Variants in BICD1 observed in about 807,000 individuals in gnomAD.
BICD1 encodes the protein protein bicaudal D homolog 1.
BICD1 carries 35 observed loss-of-function variants against 92.5 expected under a neutral mutation model. That is an observed-to-expected ratio of 0.38 (90% CI 0.29 to 0.50). BICD1 has a LOEUF of 0.50. Among genes scored for constraint, BICD1 ranks in the 20% least tolerant of loss-of-function variants. BICD1 has a pLI of 0.93. For synonymous variants in BICD1, 429 were observed against 465.1 expected (o/e 0.92, Z 1.00); for missense variants, 950 against 1,189.8 (o/e 0.80, Z 2.97).
At chr12:32,137,379 G>A (rs1271496944) in intron 1 of BICD1, among the ~76,000 whole-genome samples, 1 of 152,052 alleles carries the variant, frequency 6.6e-6, no homozygotes, top group Non-Finnish European at 1.5e-5. Context: ...ATGAGCCACC[G>A]CACCTGGCCT....
intron 2 of BICD1, among the ~76,000 whole-genome samples, chr12:32,235,561 T>C (rs964081924): frequency 6.7e-6 from 1 of 149,802 alleles, no homozygotes; most frequent in Non-Finnish European, 1.5e-5. Context: ...ATTGTGGGTT[T>C]TTTTTTTTAC....
chr12:32,285,060 C>A (rs986460526), intron 2 of BICD1, among the ~76,000 whole-genome samples: 1 of 152,168 alleles, frequency 6.6e-6, no homozygotes, highest in Admixed American at 6.5e-5. Context: ...TTTAGCATTG[C>A]CTTCAACACA....
chr12:32,277,438 ATTT>A (rs2136160649), intron 2 of BICD1, among the ~76,000 whole-genome samples: 1 of 152,274 alleles, frequency 6.6e-6, no homozygotes, highest in East Asian at 1.9e-4. Flanking sequence ...TGAAGCTATT[ATTT>A]TTTATCCTGT....
chr12:32,284,240 C>G (rs1261279332), intron 2 of BICD1, among the ~76,000 whole-genome samples: 1 of 152,230 alleles, frequency 6.6e-6, no homozygotes, highest in East Asian at 1.9e-4. Context: ...ACACCCCTCT[C>G]TCCAGCTTTC....
intron 6 of BICD1, among the ~76,000 whole-genome samples, chr12:32,335,807 AC>A (rs1200756610): frequency 6.7e-6 from 1 of 148,210 alleles, no homozygotes; most frequent in Non-Finnish European, 1.5e-5. Context: ...CTGGTCTCAA[AC>A]TCCTGGGCTC....
At chr12:32,370,244 G>A (rs1939682223) in intron 9 of BICD1, among the ~76,000 whole-genome samples, 1 of 151,992 alleles carries the variant, frequency 6.6e-6, no homozygotes, top group African/African-American at 2.4e-5. Flanking sequence ...ATGTGCGCCT[G>A]TAATCTCAGG....
At chr12:32,241,290 T>G (rs1946228641) in intron 2 of BICD1, among the ~76,000 whole-genome samples, 1 of 152,230 alleles carries the variant, frequency 6.6e-6, no homozygotes, top group African/African-American at 2.4e-5. Flanking sequence ...CTGCTGGGAA[T>G]AGCTGCATGT....
At chr12:32,177,314 C>CA (rs35641000) in intron 1 of BICD1, among the ~76,000 whole-genome samples, 19,426 of 138,026 alleles carry the variant, frequency 0.14, 1,640 homozygotes, top group Non-Finnish European at 0.21. Context: ...GACTCAGTCT[C>CA]AAAAAAAAAA....
chr12:32,314,873 T>C (rs1339106608), intron 4 of BICD1, among the ~76,000 whole-genome samples: 1 of 152,240 alleles, frequency 6.6e-6, no homozygotes, highest in East Asian at 1.9e-4. Context: ...TGGACTCTCC[T>C]GGCCTCAAGC....
At position 32,216,384 on chromosome 12, in the gene BICD1, A is replaced by C. The variant is rs781194681; in HGVS notation, c.351A>C (p.Lys117Asn). 6.2e-7 allele frequency: 1 copy of C among 1,614,164 alleles called. No homozygotes were observed. Among genetic ancestry groups the C allele is most frequent in the South Asian group, 1.1e-5 (1 of 91,076 alleles). The change falls in exon 2 of 10, where the codon AAA (lysine) becomes AAC (asparagine). Residue 117 changes from lysine (K) to asparagine (N), a missense_variant. Transcript: ENST00000652176. The part of the protein sequence containing the change: ...GKILEMQNEL[K>N]QSRAVVTNVQ... ...TCTTGGAGATGCAGAACGAGCTGAA[A>C]CAGAGCCGGGCTGTGGTCACTAATG... is the stretch of plus-strand genomic sequence containing the variant.
intron 2 of BICD1, among the ~76,000 whole-genome samples, chr12:32,237,448 G>T (rs2136073454): frequency 6.6e-6 from 1 of 152,340 alleles, no homozygotes; most frequent in Admixed American, 6.5e-5. Flanking sequence ...AAACGACTTT[G>T]TATTGGAAGA....
chr12:32,213,191 C>A (rs1014297957), intron 1 of BICD1, among the ~76,000 whole-genome samples: 2 of 152,306 alleles, frequency 1.3e-5, no homozygotes, highest in African/African-American at 4.8e-5. Context: ...CTTGTCACGT[C>A]TTGTTAGTCT....
chr12:32,274,012 A>T (rs760475957), intron 2 of BICD1, among the ~76,000 whole-genome samples: 1 of 152,202 alleles, frequency 6.6e-6, no homozygotes, highest in Admixed American at 6.5e-5. Flanking sequence ...AGAGAGAATC[A>T]GCTGAGAAAG....
At chr12:32,346,968 T>A (rs76083321) in intron 8 of BICD1, among the ~76,000 whole-genome samples, 2 of 150,650 alleles carry the variant, frequency 1.3e-5, no homozygotes, top group African/African-American at 2.4e-5. Context: ...TTTTTTTTTT[T>A]AAGACAGAAT....
At chr12:32,165,564 A>T (rs1943735065) in intron 1 of BICD1, among the ~76,000 whole-genome samples, 1 of 151,966 alleles carries the variant, frequency 6.6e-6, no homozygotes, top group African/African-American at 2.4e-5. Context: ...GCGTGCCTAT[A>T]GTCCCAGCTA....
At chr12:32,281,344 C>T (rs1947407309) in intron 2 of BICD1, among the ~76,000 whole-genome samples, 1 of 152,162 alleles carries the variant, frequency 6.6e-6, no homozygotes, top group African/African-American at 2.4e-5. Context: ...GAATACCTTG[C>T]GTTCTTTGCC....
chr12:32,277,453 A>G (rs1947307421), intron 2 of BICD1, among the ~76,000 whole-genome samples: 2 of 152,232 alleles, frequency 1.3e-5, no homozygotes, highest in Non-Finnish European at 2.9e-5. Flanking sequence ...TTATCCTGTT[A>G]CATATATCAA....
chr12:32,171,481 G>T (rs1392246123), intron 1 of BICD1, among the ~76,000 whole-genome samples: 1 of 152,180 alleles, frequency 6.6e-6, no homozygotes, highest in Non-Finnish European at 1.5e-5. Flanking sequence ...ATCACTTCAA[G>T]TCTGCAGACA....
intron 1 of BICD1, among the ~76,000 whole-genome samples, chr12:32,186,443 C>T (rs1043707117): frequency 6.6e-6 from 1 of 152,168 alleles, no homozygotes. Context: ...AAGCTTTTTG[C>T]TACGTGATGT....
Sources: allele counts gnomAD v4.1 joint callset (sites outside exome capture counted in the v4.1 genomes callset), GRCh38; gene constraint gnomAD v4.1.1; transcripts MANE v1.5; gene names NCBI Gene and HGNC (gene_info 2026-07-23, HGNC 2026-07-21).